Variants in ITGAL observed in about 807,000 individuals in gnomAD.
ITGAL encodes integrin subunit alpha L, also known as integrin alpha-L.
A neutral mutation model predicts 138.4 loss-of-function variants in ITGAL; 68 were observed. The observed-to-expected ratio is 0.49, with a 90% confidence interval of 0.40 to 0.60. The LOEUF is 0.60. ITGAL is among the 20% of genes least tolerant of loss of function. The probability of loss-of-function intolerance (pLI) is 0.00; values close to 1 mark genes in which losing one functional copy is unlikely to be tolerated. For synonymous variants in ITGAL, 561 were observed against 584.3 expected, an observed-to-expected ratio of 0.96 and a Z score of 0.57; for missense variants, 1,256 against 1,478.6, an observed-to-expected ratio of 0.85 and a Z score of 2.47.
chr16:30,498,123 A>G (rs560448665), intron 15 of ITGAL, among the ~76,000 whole-genome samples: 19 of 151,742 alleles, frequency 1.3e-4, no homozygotes, highest in African/African-American at 3.1e-4. Flanking sequence ...TCAGGAGTTC[A>G]AGACCAGCCT....
At chr16:30,508,460 G>T (rs1287640856) in intron 21 of ITGAL, among the ~76,000 whole-genome samples, 2 of 152,116 alleles carry the variant, frequency 1.3e-5, no homozygotes, top group Middle Eastern at 3.4e-3. Context: ...TGATCTACCC[G>T]CCTTGGCCTC....
chr16:30,498,218 G>A (rs930205633), intron 15 of ITGAL, among the ~76,000 whole-genome samples: 5 of 150,232 alleles, frequency 3.3e-5, no homozygotes, highest in African/African-American at 7.4e-5. Context: ...CCAGCTACTC[G>A]GGAGGCTGAG....
At chr16:30,490,685 C>T (rs2050712825) in intron 11 of ITGAL, among the ~76,000 whole-genome samples, 2 of 152,096 alleles carry the variant, frequency 1.3e-5, no homozygotes, top group South Asian at 4.2e-4. Flanking sequence ...AACAACCTGC[C>T]TTATTAGTAA....
chr16:30,512,844 G>A (rs956336988), intron 24 of ITGAL, among the ~76,000 whole-genome samples: 5 of 152,028 alleles, frequency 3.3e-5, no homozygotes, highest in Admixed American at 6.6e-5. Flanking sequence ...GGGACTACAG[G>A]TGCCTGCCAC....
intron 9 of ITGAL, among the ~76,000 whole-genome samples, chr16:30,487,015 C>T (rs1039062566): frequency 4.6e-4 from 70 of 151,746 alleles, no homozygotes; most frequent in African/African-American, 1.4e-3. Flanking sequence ...TGGTGGCGGG[C>T]GCCTGTAGTC....
Position 30,517,858 on chromosome 16 carries a change from A to T in ITGAL, c.3095A>T (p.Gln1032Leu). The change falls in exon 28 of 31, where the codon CAA becomes CTA. Residue 1032 changes from glutamine to leucine, a missense_variant. Gln to Leu is a moderately radical substitution (Grantham distance 113). Transcript: ENST00000356798. ...PVVFRQEILV[Q>L]VIGTLELVGE... ...GTCTTCAGGCAGGAGATCCTCGTCC[A>T]AGTGATCGGGACTCTGGAGCTGGTG... 1 of 1,614,134 alleles carries T rather than the reference A, an allele frequency of 6.2e-7. No individual in the cohort carries two copies. The highest frequency in any genetic ancestry group is 8.5e-7 in the Non-Finnish European group (1 of 1,180,018).
intron 15 of ITGAL, among the ~76,000 whole-genome samples, chr16:30,497,774 A>G (rs1597086420): frequency 1.3e-5 from 2 of 148,942 alleles, no homozygotes; most frequent in South Asian, 4.4e-4. Context: ...CACCGTGCCC[A>G]GCCCTTTTCT....
Position 30,481,599 on chromosome 16 carries a change from G to T in ITGAL, c.722+15G>T, listed in dbSNP as rs1053432932. 5 of 1,612,632 alleles carry T rather than the reference G, an allele frequency of 3.1e-6. No homozygotes were observed. The highest frequency in any genetic ancestry group is 4.2e-6 in the Non-Finnish European group (5 of 1,179,168). ...AATTATGTCGCGTGAGTTCCCTTTT[G>T]CAGGAGAGCACGTGTCCTGTGATTT... is the stretch of plus-strand genomic sequence containing the variant. On this transcript the variant is annotated intron_variant, in intron 7 of 30. Coordinates refer to ENST00000356798, the MANE Select transcript of ITGAL (RefSeq NM_002209.3).
chr16:30,517,773 C>A, intron 27 of ITGAL, 24 bp from the exon 28 acceptor site: 8 of 1,613,594 alleles, frequency 5.0e-6, no homozygotes, highest in Non-Finnish European at 6.8e-6. Flanking sequence ...GCCGCCCTGA[C>A]CCCGCTTTCC....
At chr16:30,516,502 T>C (rs911832448) in intron 25 of ITGAL, among the ~76,000 whole-genome samples, 15 of 152,076 alleles carry the variant, frequency 9.9e-5, no homozygotes, top group African/African-American at 3.6e-4. Context: ...AGTGCTGGGA[T>C]TACAGGTGTG....
At chr16:30,515,194 A>C (rs1232947837) in intron 25 of ITGAL, among the ~76,000 whole-genome samples, 1 of 152,144 alleles carries the variant, frequency 6.6e-6, no homozygotes, top group Non-Finnish European at 1.5e-5. Flanking sequence ...GCTTGCGTGG[A>C]ATCTTTTGAA....
At chr16:30,513,943 C>G in intron 25 of ITGAL, 97 bp downstream of exon 25, 1 of 895,648 alleles carries the variant, frequency 1.1e-6, no homozygotes, top group Non-Finnish European at 1.8e-6. Flanking sequence ...AGTACTCATC[C>G]TAGCCATCCA....
At position 30,472,765 on chromosome 16, in the gene ITGAL, C is replaced by A; in HGVS notation, c.-73C>A. 7.3e-7 allele frequency: 1 copy of A among 1,368,448 alleles called. No individual in the cohort carries two copies. Among genetic ancestry groups the A allele is most frequent in the African/African-American group, 1.4e-5 (1 of 70,430 alleles). The allele number at this position is 1,368,448 out of a possible 1,614,324, so 84.8% of individuals were successfully genotyped here. A position where few individuals can be genotyped will look rare whatever the true frequency, so the allele number is the denominator to read the frequency against. The stretch of plus-strand genomic sequence containing the variant: ...TGATCATTTTCCTCTTTCACCCTGT[C>A]TAGGTTGCCAGCAAATCCCACGGGC... On this transcript the variant is annotated 5_prime_UTR_variant, in exon 1 of 31. Transcript: ENST00000356798.
intron 25 of ITGAL, among the ~76,000 whole-genome samples, chr16:30,515,425 G>A (rs934950438): frequency 3.9e-5 from 6 of 152,120 alleles, no homozygotes; most frequent in African/African-American, 1.4e-4. Flanking sequence ...GCCTGCAGGG[G>A]ATGGACCTCC....
chr16:30,478,675 C>T (rs1487169617), intron 4 of ITGAL, among the ~76,000 whole-genome samples: 6 of 94,406 alleles, frequency 6.4e-5, no homozygotes, highest in Non-Finnish European at 1.2e-4. Context: ...CCAGCCTAGG[C>T]GATAGAGCGA....
At chr16:30,510,215 A>G (rs1256169069) in intron 21 of ITGAL, 146 bp from the exon 22 acceptor site, 1 of 635,872 alleles carries the variant, frequency 1.6e-6, no homozygotes, top group South Asian at 1.8e-5. Context: ...CTCTGTCTGC[A>G]GCCCTGATTC....
At chr16:30,482,879 C>T (rs570713043) in intron 7 of ITGAL, among the ~76,000 whole-genome samples, 1 of 151,862 alleles carries the variant, frequency 6.6e-6, no homozygotes, top group African/African-American at 2.4e-5. Context: ...CAGGCTGGAG[C>T]GCAGTGACGT....
At position 30,489,370 on chromosome 16, in the gene ITGAL, G is replaced by A; in HGVS notation, c.1197G>A (p.Val399=). The stretch of plus-strand genomic sequence containing the variant: ...GGAATGAACCATTGACACCAGAAGT[G>A]AGAGCAGGCTATTTGGGTGAGTACT... ...FIGNEPLTPE[V]RAGYLGYTVT... Residue 399 remains valine, a synonymous_variant, in exon 11 of 31, where the codon GTG becomes GTA. Coordinates refer to ENST00000356798, the MANE Select transcript of ITGAL (RefSeq NM_002209.3). 1.2e-6 allele frequency: 2 copies of A among 1,614,220 alleles called. No individual in the cohort carries two copies. Among genetic ancestry groups the A allele is most frequent in the Non-Finnish European group, 1.7e-6 (2 of 1,180,044 alleles).
intron 21 of ITGAL, among the ~76,000 whole-genome samples, chr16:30,507,116 A>T (rs1567484742): frequency 6.6e-6 from 1 of 152,148 alleles, no homozygotes; most frequent in Non-Finnish European, 1.5e-5. Context: ...TGAGGTCGGG[A>T]GCTCGAGACC....
Sources: allele counts gnomAD v4.1 joint callset (sites outside exome capture counted in the v4.1 genomes callset), GRCh38; gene constraint gnomAD v4.1.1; transcripts MANE v1.5; gene names NCBI Gene and HGNC (gene_info 2026-07-23, HGNC 2026-07-21).